Variants in SLC17A5 observed in about 807,000 individuals in gnomAD.
SLC17A5 encodes the protein solute carrier family 17 member 5, also known as sialin.
SLC17A5 carries 47 observed loss-of-function variants against 59.4 expected under a neutral mutation model. The ratio of observed to expected loss-of-function variants is 0.79; its 90% CI spans 0.63 to 1.01. The LOEUF is 1.01. SLC17A5 is among the 50% of genes least tolerant of loss of function. The probability of loss-of-function intolerance (pLI) is 0.00; values close to 1 mark genes in which losing one functional copy is unlikely to be tolerated. For synonymous variants in SLC17A5, 202 were observed against 210.7 expected (o/e 0.96, Z 0.36); for missense variants, 522 against 595.5 (o/e 0.88, Z 1.28).
intron 9 of SLC17A5, among the ~76,000 whole-genome samples, chr6:73,601,460 T>C (rs1338593173): frequency 3.7e-5 from 1 of 26,856 alleles, no homozygotes; most frequent in South Asian, 1.3e-3. Flanking sequence ...GGGAGGGAGG[T>C]GGGGGGGTCA....
At chr6:73,650,305 C>T (rs940961672) in intron 1 of SLC17A5, among the ~76,000 whole-genome samples, 10 of 151,166 alleles carry the variant, frequency 6.6e-5, no homozygotes, top group African/African-American at 9.7e-5. Flanking sequence ...GTCAGGAGAT[C>T]GAGACCATCC....
intron 9 of SLC17A5, among the ~76,000 whole-genome samples, chr6:73,606,050 T>A (rs1413005991): frequency 1.3e-5 from 2 of 152,144 alleles, no homozygotes; most frequent in Non-Finnish European, 2.9e-5. Context: ...TATTTATTTA[T>A]TTAATTTTTT....
intron 1 of SLC17A5, among the ~76,000 whole-genome samples, chr6:73,650,801 A>G (rs1235554109): frequency 5.9e-5 from 9 of 152,166 alleles, no homozygotes; most frequent in Admixed American, 2.6e-4. Flanking sequence ...ATAAAAGTCT[A>G]TAAGGGCAGG....
At chr6:73,647,489 T>G (rs576380083) in intron 1 of SLC17A5, among the ~76,000 whole-genome samples, 5 of 152,376 alleles carry the variant, frequency 3.3e-5, no homozygotes, top group African/African-American at 1.2e-4. Context: ...ATTCTCTTAC[T>G]CTAAAAAACT....
intron 3 of SLC17A5, 113 bp downstream of exon 3, chr6:73,641,578 G>A: frequency 2.5e-6 from 2 of 795,500 alleles, no homozygotes; most frequent in South Asian, 1.8e-5. Context: ...ATAAACCCCT[G>A]TTATCATCCA....
In SLC17A5 at chr6:73,653,513, C is replaced by T; in HGVS notation, c.94+280G>A. ...GCACCGCCGCTCCCCCGCCCCCGCCCCCGCCCCCGCCCCCGCCCGGTGGGG... is the reference window on the plus strand; with the variant it reads ...GCACCGCCGCTCCCCCGCCCCCGCCTCCGCCCCCGCCCCCGCCCGGTGGGG... On this transcript the variant is annotated intron_variant, in intron 1 of 10. Coordinates refer to ENST00000355773, the MANE Select transcript of SLC17A5 (RefSeq NM_012434.5). 7.2e-6 allele frequency: 7 copies of T among 971,440 alleles called. No individual in the cohort carries two copies. The South Asian group carries it at 3.4e-4, about 47-fold the overall frequency. 60.2% of individuals were successfully genotyped at this position (971,440 alleles called of 1,614,324 possible).
intron 1 of SLC17A5, chr6:73,653,177 C>T (rs3799288): frequency 0.25 from 247,293 of 985,174 alleles, 31,723 homozygotes; most frequent in Non-Finnish European, 0.26. Flanking sequence ...GTCAAGATAT[C>T]AGCTGGGTTA....
At chr6:73,649,651 C>T (rs1487723284) in intron 1 of SLC17A5, among the ~76,000 whole-genome samples, 2 of 152,030 alleles carry the variant, frequency 1.3e-5, no homozygotes, top group African/African-American at 2.4e-5. Context: ...TGGCACTAGT[C>T]GAAGTATTTT....
Position 73,636,719 on chromosome 6 carries a change from C to CATAAGACT in SLC17A5, c.614-20_614-13dup. On this transcript the variant is annotated splice_polypyrimidine_tract_variant and intron_variant, in intron 4 of 10. Transcript: ENST00000355773. The stretch of plus-strand genomic sequence containing the variant: ...CCCAAGCTGTGCTCCTAGAACAACA[C>CATAAGACT]ATAAGACTATTTTATAAACTTTGGA... The CATAAGACT allele has an allele frequency of 6.4e-7, 1 of 1,571,816 alleles. No homozygotes were observed. The highest frequency in any genetic ancestry group is 8.8e-7 in the Non-Finnish European group (1 of 1,141,562).
chr6:73,642,025 CACT>C, intron 2 of SLC17A5, 101 bp from the exon 3 acceptor site: 1 of 1,076,900 alleles, frequency 9.3e-7, no homozygotes, highest in Non-Finnish European at 1.4e-6. Context: ...GATTTTGAAC[CACT>C]ATTTTGGACT....
chr6:73,641,205 G>A (rs539653538), intron 3 of SLC17A5, among the ~76,000 whole-genome samples: 5 of 152,000 alleles, frequency 3.3e-5, no homozygotes, highest in South Asian at 2.1e-4. Flanking sequence ...TCATCCTCCC[G>A]AGTAGCTGCA....
At chr6:73,616,546 T>TAC (rs56306141) in intron 7 of SLC17A5, among the ~76,000 whole-genome samples, 38,878 of 126,062 alleles carry the variant, frequency 0.31, 5,302 homozygotes, top group African/African-American at 0.33. Context: ...GTTTATTTAC[T>TAC]ACACACACAC....
rs1410081905 is a variant in SLC17A5, at chr6:73,601,709, G to A, written c.1260-1268C>T. 3.6e-5 allele frequency among the ~76,000 whole-genome samples: 4 copies of A among 110,574 alleles called. 1 individual carries two copies. Among genetic ancestry groups the A allele is most frequent in the African/African-American group, 1.5e-4 (4 of 26,408 alleles). The allele number at this position is 110,574 out of a possible 152,430, so 72.5% of individuals were successfully genotyped here. A position where few individuals can be genotyped will look rare whatever the true frequency, so the allele number is the denominator to read the frequency against. The stretch of plus-strand genomic sequence containing the variant: ...AGGTGGGGTGGTCAGCCCCCCGCCC[G>A]GCCAGCCGCCCCGTCCGGGAGGTGA... On this transcript the variant is annotated intron_variant, in intron 9 of 10. Transcript: ENST00000355773.
intron 9 of SLC17A5, 68 bp downstream of exon 9, chr6:73,610,332 C>A: frequency 6.3e-7 from 1 of 1,577,652 alleles, no homozygotes; most frequent in Non-Finnish European, 8.7e-7. Flanking sequence ...CCGCCTCTGG[C>A]CTTTTATCAG....
At chr6:73,653,273 C>A (rs1769952570) in intron 1 of SLC17A5, 49 of 985,342 alleles carry the variant, frequency 5.0e-5, no homozygotes, top group Admixed American at 6.1e-5. Context: ...TACCAGGTCA[C>A]ATGCTGGCGG....
intron 1 of SLC17A5, among the ~76,000 whole-genome samples, chr6:73,650,425 A>G (rs1311236688): frequency 6.8e-6 from 1 of 147,202 alleles, no homozygotes; most frequent in East Asian, 2.1e-4. Flanking sequence ...GGAGAATGGC[A>G]TGAACCCGGG....
chr6:73,603,967 T>TA (rs1318373585), intron 9 of SLC17A5, among the ~76,000 whole-genome samples: 3 of 151,852 alleles, frequency 2.0e-5, no homozygotes, highest in Non-Finnish European at 2.9e-5. Flanking sequence ...GGAGTTCAGT[T>TA]AAAAAAAGTG....
Position 73,594,821 on chromosome 6 carries a change from C to T in SLC17A5, c.*256G>A, listed in dbSNP as rs1315143820. 2.1e-6 allele frequency: 1 copy of T among 485,100 alleles called. No homozygotes were observed. Among genetic ancestry groups the T allele is most frequent in the Non-Finnish European group, 3.7e-6 (1 of 267,838 alleles). 30.0% of individuals were successfully genotyped at this position (485,100 alleles called of 1,614,324 possible). A position where few individuals can be genotyped will look rare whatever the true frequency, so the allele number is the denominator to read the frequency against. On this transcript the variant is annotated 3_prime_UTR_variant, in exon 11 of 11. Coordinates refer to ENST00000355773, the MANE Select transcript of SLC17A5 (RefSeq NM_012434.5). The stretch of plus-strand genomic sequence containing the variant: ...GCCCTAAAAAATCAACAGAACTGTC[C>T]TACTTCATGTTGCCCGACTAGCAGG...
intron 3 of SLC17A5, 99 bp from the exon 4 acceptor site, chr6:73,638,598 T>C: frequency 1.0e-6 from 1 of 960,048 alleles, no homozygotes; most frequent in Admixed American, 2.0e-5. Context: ...ATTTTCTGGA[T>C]AAGAATCAAA....
Sources: gnomAD v4.1 joint callset for allele counts (sites outside exome capture counted in the v4.1 genomes callset) on GRCh38, gnomAD v4.1.1 for gene constraint, MANE v1.5 for transcripts, NCBI Gene and HGNC (gene_info 2026-07-23, HGNC 2026-07-21) for gene names.